The following THAP2 variants were observed in gnomAD, a reference collection of about 807,000 sequenced individuals.
THAP2 encodes the protein THAP domain-containing protein 2.
A neutral mutation model predicts 18.8 loss-of-function variants in THAP2; 16 were observed. That is an observed-to-expected ratio of 0.85 (90% CI 0.58 to 1.29). The LOEUF (loss-of-function observed/expected upper bound fraction) is 1.29, where lower values mean the gene tolerates loss of function less well. Among genes scored for constraint, THAP2 ranks in the 50% most tolerant of loss-of-function variants. The probability of loss-of-function intolerance (pLI) is 0.00; values close to 1 mark genes in which losing one functional copy is unlikely to be tolerated. For missense variants in THAP2, 251 were observed against 265.3 expected (o/e 0.95, Z 0.38); for synonymous variants, 80 against 89.2 (o/e 0.90, Z 0.58).
intron 1 of THAP2, among the ~76,000 whole-genome samples, chr12:71,670,937 A>C (rs1156553789): frequency 2.1e-5 from 1 of 46,694 alleles, no homozygotes; most frequent in Non-Finnish European, 3.1e-5. Context: ...AAACTGTCTC[A>C]AAAAAAAAAA....
At chr12:71,670,338 A>T (rs897739609) in intron 1 of THAP2, among the ~76,000 whole-genome samples, 1 of 152,198 alleles carries the variant, frequency 6.6e-6, no homozygotes, top group African/African-American at 2.4e-5. Context: ...CTACATGTCA[A>T]TGTTGATTCT....
intron 1 of THAP2, chr12:71,665,082 G>T: frequency 1.5e-6 from 1 of 662,676 alleles, no homozygotes; most frequent in Non-Finnish European, 2.7e-6. Flanking sequence ...GTTAATTAAA[G>T]TGCAAAAGAT....
intron 1 of THAP2, among the ~76,000 whole-genome samples, chr12:71,670,458 T>C (rs1439024620): frequency 6.6e-6 from 1 of 152,122 alleles, no homozygotes; most frequent in East Asian, 1.9e-4. Context: ...CCTTGAACAA[T>C]GCAGGGTTTA....
chr12:71,676,344 A>C (rs1474052534), intron 2 of THAP2, among the ~76,000 whole-genome samples: 2 of 152,104 alleles, frequency 1.3e-5, no homozygotes, highest in Non-Finnish European at 2.9e-5. Context: ...TAATATCTAC[A>C]TATATTGTAA....
At chr12:71,670,280 A>G (rs1408957615) in intron 1 of THAP2, among the ~76,000 whole-genome samples, 3 of 152,214 alleles carry the variant, frequency 2.0e-5, no homozygotes, top group Admixed American at 2.0e-4. Context: ...TTCATAATTA[A>G]TATTTAAAGG....
chr12:71,675,571 T>C (rs1881507791), intron 2 of THAP2, among the ~76,000 whole-genome samples: 1 of 152,128 alleles, frequency 6.6e-6, no homozygotes. Flanking sequence ...TTCATGAGGA[T>C]AGGAACCACA....
intron 1 of THAP2, chr12:71,664,886 A>G (rs1241976928): frequency 2.8e-6 from 2 of 702,306 alleles, no homozygotes; most frequent in Admixed American, 2.0e-5. Context: ...CTTGACATGA[A>G]TGACGCCGTA....
chr12:71,672,971 G>A (rs1237212771), intron 1 of THAP2, among the ~76,000 whole-genome samples: 2 of 152,024 alleles, frequency 1.3e-5, no homozygotes, highest in Admixed American at 6.6e-5. Context: ...ACTTTAAGTG[G>A]GTACTCACAG....
intron 1 of THAP2, among the ~76,000 whole-genome samples, chr12:71,668,906 C>T (rs544521691): frequency 6.6e-6 from 1 of 152,256 alleles, no homozygotes; most frequent in African/African-American, 2.4e-5. Flanking sequence ...AGCTTATGGG[C>T]TATATCTCCC....
rs573694641 is a variant in THAP2, at chr12:71,664,340, T to A, written c.-170T>A. Reference sequence around the variant, plus strand: ...ATAAAGAGAAAGGGAAGGCTGACCGTCCTTCGCCTCCGCCCCCACATACAC... The same window carrying A: ...ATAAAGAGAAAGGGAAGGCTGACCGACCTTCGCCTCCGCCCCCACATACAC... On this transcript the variant is annotated 5_prime_UTR_variant, in exon 1 of 3. Coordinates refer to ENST00000308086, the MANE Select transcript of THAP2 (RefSeq NM_031435.4). 2.0e-4 allele frequency: 136 copies of A among 688,732 alleles called. 1 individual carries two copies. In the African/African-American group the frequency reaches 2.3e-3, roughly 12 times the overall value. 42.7% of individuals were successfully genotyped at this position (688,732 alleles called of 1,614,324 possible). A position where few individuals can be genotyped will look rare whatever the true frequency, so the allele number is the denominator to read the frequency against.
rs10748180 is a variant in THAP2, at chr12:71,677,265, A to G, written c.*157A>G. The G allele has an allele frequency of 0.36, 238,118 of 658,704 alleles. 55,220 individuals carry two copies. The highest frequency in any genetic ancestry group is 0.82 in the East Asian group (24,201 of 29,538). The allele number at this position is 658,704 out of a possible 1,614,324, so 40.8% of individuals were successfully genotyped here. On this transcript the variant is annotated 3_prime_UTR_variant, in exon 3 of 3. Coordinates refer to ENST00000308086, the MANE Select transcript of THAP2 (RefSeq NM_031435.4). ...TGATTACAAAAGAATAAAAAACTTC[A>G]TATGGAAATTTTATTTGAAAATGAG... is the stretch of plus-strand genomic sequence containing the variant.
In THAP2 at chr12:71,679,565, C is replaced by A. The variant is rs996731253; in HGVS notation, c.*2457C>A. 1.3e-5 allele frequency: 2 copies of A among 152,062 alleles called. No homozygotes were observed. Among genetic ancestry groups the A allele is most frequent in the Admixed American group, 1.3e-4 (2 of 15,276 alleles). The allele number at this position is 152,062 out of a possible 1,614,324, so 9.4% of individuals were successfully genotyped here. ...TTGTTCTCTGTCTACTGGGCACCAA[C>A]CTCTACAAAGAACCAGCCAAAGGCT... On this transcript the variant is annotated 3_prime_UTR_variant, in exon 3 of 3. Transcript: ENST00000308086.
intron 2 of THAP2, among the ~76,000 whole-genome samples, chr12:71,676,199 G>A (rs1197842220): frequency 5.9e-5 from 9 of 152,066 alleles, no homozygotes; most frequent in Admixed American, 5.9e-4. Context: ...AGGTAAATCT[G>A]TTTAGAAGCT....
Position 71,677,099 on chromosome 12 carries a change from C to A in THAP2, c.678C>A (p.Thr226=). Residue 226 remains threonine, a synonymous_variant, in exon 3 of 3, where the codon ACC becomes ACA. Transcript: ENST00000308086. ...TAAATCTAAAACAGACCAAGAGTAC[C>A]TTCATTTAAATTTAGCTTGCACAGA... ...LSLNLKQTKS[T]FI 1 of 1,581,060 alleles carries A rather than the reference C, an allele frequency of 6.3e-7. No homozygotes were observed. The highest frequency in any genetic ancestry group is 1.2e-5 in the South Asian group (1 of 86,096).
At chr12:71,667,313 G>A (rs949818813) in intron 1 of THAP2, among the ~76,000 whole-genome samples, 1 of 152,076 alleles carries the variant, frequency 6.6e-6, no homozygotes, top group Non-Finnish European at 1.5e-5. Flanking sequence ...CCTTAAGCCA[G>A]GTCTTCACAT....
rs752482514 is a variant in THAP2 at position 71,676,938 on chromosome 12, G to A, written c.517G>A (p.Val173Ile). 1.2e-6 allele frequency: 2 copies of A among 1,613,748 alleles called. No individual in the cohort carries two copies. The highest frequency in any genetic ancestry group is 1.6e-4 in the Middle Eastern group (1 of 6,062). Reference protein sequence around the residue: ...TRRWIKATCLVKNLEANSVLP... With the variant: ...TRRWIKATCLIKNLEANSVLP... Reference sequence around the variant, plus strand: ...AAGATGGATCAAAGCCACGTGTTTGGTAAAGAATTTAGAAGCAAATAGTGT... The same window carrying A: ...AAGATGGATCAAAGCCACGTGTTTGATAAAGAATTTAGAAGCAAATAGTGT... Residue 173 changes from valine (V) to isoleucine (I), a missense_variant, in exon 3 of 3, where the codon GTA (valine) becomes ATA (isoleucine). Transcript: ENST00000308086.
At chr12:71,670,460 C>T (rs1881417340) in intron 1 of THAP2, among the ~76,000 whole-genome samples, 1 of 152,094 alleles carries the variant, frequency 6.6e-6, no homozygotes, top group South Asian at 2.1e-4. Flanking sequence ...TTGAACAATG[C>T]AGGGTTTAGG....
At chr12:71,671,116 G>T (rs1197086662) in intron 1 of THAP2, among the ~76,000 whole-genome samples, 1 of 151,996 alleles carries the variant, frequency 6.6e-6, no homozygotes, top group Non-Finnish European at 1.5e-5. Flanking sequence ...GGAAGGGGAG[G>T]CAGGAAAGGC....
chr12:71,671,042 TGAG>T (rs1169798269), intron 1 of THAP2, among the ~76,000 whole-genome samples: 2 of 151,728 alleles, frequency 1.3e-5, no homozygotes, highest in South Asian at 2.1e-4. Context: ...TTGAGTAGGC[TGAG>T]GAGGAGGAGG....
Sources: allele counts gnomAD v4.1 joint callset (sites outside exome capture counted in the v4.1 genomes callset), GRCh38; gene constraint gnomAD v4.1.1; transcripts MANE v1.5; gene names NCBI Gene and HGNC (gene_info 2026-07-23, HGNC 2026-07-21).